The following RNASEH2B variants were observed in gnomAD, a reference collection of about 807,000 sequenced individuals.
RNASEH2B encodes the protein ribonuclease H2 subunit B.
Under a neutral mutation model 45.0 loss-of-function variants are expected in RNASEH2B, and 36 were observed. The ratio of observed to expected loss-of-function variants is 0.80; its 90% CI spans 0.61 to 1.06. The LOEUF is 1.06. Among genes scored for constraint, RNASEH2B ranks in the 50% least tolerant of loss-of-function variants. The pLI is 0.00. For missense variants in RNASEH2B, 361 were observed against 360.3 expected, an observed-to-expected ratio of 1.00 and a Z score of -0.02; for synonymous variants, 119 against 125.7, an observed-to-expected ratio of 0.95 and a Z score of 0.35.
At chr13:50,919,154 A>G (rs1951485328) in intron 1 of RNASEH2B, among the ~76,000 whole-genome samples, 1 of 152,226 alleles carries the variant, frequency 6.6e-6, no homozygotes, top group Admixed American at 6.5e-5. Context: ...AAATGCAGTG[A>G]AAAAACTTGT....
chr13:50,953,882 A>G, intron 9 of RNASEH2B, 23 bp from the exon 10 acceptor site: 1 of 1,501,702 alleles, frequency 6.7e-7, no homozygotes, highest in Admixed American at 1.7e-5. Flanking sequence ...ATTTGACACC[A>G]CTTCACTGCT....
At chr13:50,923,464 A>G (rs1380070125) in intron 1 of RNASEH2B, among the ~76,000 whole-genome samples, 1 of 152,220 alleles carries the variant, frequency 6.6e-6, no homozygotes, top group African/African-American at 2.4e-5. Flanking sequence ...GGGATCCTCA[A>G]TAAAATTAAC....
intron 9 of RNASEH2B, among the ~76,000 whole-genome samples, chr13:50,964,662 G>A (rs1308422527): frequency 6.6e-6 from 1 of 152,216 alleles, no homozygotes; most frequent in Non-Finnish European, 1.5e-5. Flanking sequence ...ATGATAGTCA[G>A]ACAGGTTGAA....
chr13:50,952,388 T>C (rs1951986882), intron 9 of RNASEH2B: 1 of 152,176 alleles, frequency 6.6e-6, no homozygotes, highest in Non-Finnish European at 1.5e-5. Flanking sequence ...TTTGCTGTCT[T>C]AATTTAAATA....
chr13:50,938,656 G>A (rs1434548044), intron 5 of RNASEH2B: 2 of 152,164 alleles, frequency 1.3e-5, no homozygotes, highest in Non-Finnish European at 2.9e-5. Context: ...ATGTGCAGTT[G>A]ACAATAGGGT....
chr13:50,916,849 A>T (rs1255865502), intron 1 of RNASEH2B, among the ~76,000 whole-genome samples: 3 of 152,202 alleles, frequency 2.0e-5, no homozygotes, highest in Admixed American at 2.0e-4. Context: ...TAGCAGGTTC[A>T]CATCCTCCCA....
At chr13:50,935,156 A>G in intron 5 of RNASEH2B, 157 bp downstream of exon 5, 1 of 653,990 alleles carries the variant, frequency 1.5e-6, no homozygotes, top group Non-Finnish European at 2.8e-6. Flanking sequence ...CTGTTCCTCT[A>G]TTGCTTTGGA....
Position 50,949,511 on chromosome 13 carries a change from A to G in RNASEH2B, c.741+6A>G. 6.2e-7 allele frequency: 1 copy of G among 1,612,304 alleles called. No homozygotes were observed. Among genetic ancestry groups the G allele is most frequent in the Non-Finnish European group, 8.5e-7 (1 of 1,178,494 alleles). On this transcript the variant is annotated splice_donor_region_variant and intron_variant, in intron 9 of 10. Coordinates refer to ENST00000336617, the MANE Select transcript of RNASEH2B (RefSeq NM_024570.4). Reference sequence around the variant, plus strand: ...TGCCAAATCCTCCATCAAAGGTAAGAAGCTGTGACTAAGATATCTTTGGGG... The same window carrying G: ...TGCCAAATCCTCCATCAAAGGTAAGGAGCTGTGACTAAGATATCTTTGGGG...
chr13:50,938,267 G>A (rs1396499817), intron 5 of RNASEH2B: 1 of 150,712 alleles, frequency 6.6e-6, no homozygotes, highest in Admixed American at 6.6e-5. Flanking sequence ...AGAAATTAAA[G>A]AAAAATTAAA....
intron 5 of RNASEH2B, chr13:50,937,861 C>T (rs1288204546): frequency 6.6e-6 from 1 of 152,196 alleles, no homozygotes; most frequent in Non-Finnish European, 1.5e-5. Context: ...AGACTGAACA[C>T]AATCTTCCCC....
chr13:50,948,600 A>G (rs1307564926), intron 8 of RNASEH2B: 3 of 152,798 alleles, frequency 2.0e-5, no homozygotes, highest in African/African-American at 7.2e-5. Flanking sequence ...CTTTATAAAG[A>G]GCTTATACAT....
At chr13:50,927,229 A>G (rs1593455693) in intron 1 of RNASEH2B, 178 bp from the exon 2 acceptor site, 2 of 536,276 alleles carry the variant, frequency 3.7e-6, no homozygotes, top group Non-Finnish European at 6.8e-6. Context: ...CCTGAAATTC[A>G]ACTGCAACTT....
intron 1 of RNASEH2B, among the ~76,000 whole-genome samples, chr13:50,925,695 A>G (rs1487521347): frequency 6.6e-6 from 1 of 152,114 alleles, no homozygotes; most frequent in Non-Finnish European, 1.5e-5. Flanking sequence ...GCTCCCTCGA[A>G]TCTGTTTAGA....
intron 7 of RNASEH2B, 141 bp from the exon 8 acceptor site, chr13:50,947,846 T>G: frequency 2.1e-5 from 28 of 1,365,562 alleles, no homozygotes; most frequent in Non-Finnish European, 2.7e-5. Flanking sequence ...ATTTTACAAA[T>G]GAGAAAACTG....
chr13:50,929,411 G>A, intron 2 of RNASEH2B, 64 bp from the exon 3 acceptor site: 1 of 947,586 alleles, frequency 1.1e-6, no homozygotes, highest in South Asian at 1.3e-5. Context: ...AGTCTTTTGG[G>A]GTGTGTGTGT....
intron 9 of RNASEH2B, among the ~76,000 whole-genome samples, chr13:50,965,283 G>A (rs1461629422): frequency 1.3e-5 from 2 of 152,228 alleles, no homozygotes; most frequent in Non-Finnish European, 1.5e-5. Context: ...CCCAGGAGCA[G>A]TAGGCTGTAC....
downstream of RNASEH2B, among the ~76,000 whole-genome samples, chr13:50,958,201 TTC>T (rs1460722185): frequency 1.3e-5 from 2 of 152,222 alleles, no homozygotes; most frequent in Non-Finnish European, 2.9e-5. Flanking sequence ...CTAGGTTTTC[TTC>T]TAGGATTTTT....
chr13:50,930,916 C>T, intron 4 of RNASEH2B, 157 bp downstream of exon 4: 1 of 694,490 alleles, frequency 1.4e-6, no homozygotes, highest in Non-Finnish European at 2.6e-6. Flanking sequence ...CAGTGCAGGA[C>T]AGAGCACTAC....
Position 50,953,916 on chromosome 13 carries a change from A to G in RNASEH2B, c.753A>G (p.Leu251=). 1 of 1,600,834 alleles carries G rather than the reference A, an allele frequency of 6.2e-7. No individual in the cohort carries two copies. The highest frequency in any genetic ancestry group is 8.6e-7 in the Non-Finnish European group (1 of 1,168,002). The part of the protein sequence containing the change: ...LPNPPSKKIK[L]SDEPVEAKED... ...CTCTAATGTTGCAGAAAATAAAGTT[A>G]TCAGATGAGCCTGTAGAAGCAAAAG... is the stretch of plus-strand genomic sequence containing the variant. The change falls in exon 10 of 11, where the codon TTA becomes TTG. Residue 251 remains leucine (L), a synonymous_variant. Coordinates refer to ENST00000336617, the MANE Select transcript of RNASEH2B (RefSeq NM_024570.4).
Sources: gnomAD v4.1 joint callset for allele counts (sites outside exome capture counted in the v4.1 genomes callset) on GRCh38, gnomAD v4.1.1 for gene constraint, MANE v1.5 for transcripts, NCBI Gene and HGNC (gene_info 2026-07-23, HGNC 2026-07-21) for gene names.